Variants in MEIKIN observed in about 807,000 individuals in gnomAD.
MEIKIN encodes meiotic kinetochore factor, also known as meiosis-specific kinetochore protein.
chr5:131,856,146 A>G (rs1057042779), intron 9 of MEIKIN, among the ~76,000 whole-genome samples: 12 of 152,238 alleles, frequency 7.9e-5, no homozygotes, highest in African/African-American at 2.9e-4. Context: ...AATAAAATGA[A>G]CACATCAGCC....
intron 11 of MEIKIN, among the ~76,000 whole-genome samples, chr5:131,826,842 T>C (rs1749617680): frequency 6.6e-6 from 1 of 152,202 alleles, no homozygotes; most frequent in Non-Finnish European, 1.5e-5. Context: ...TGCAGAACAG[T>C]GAGTCAATTA....
intron 10 of MEIKIN, among the ~76,000 whole-genome samples, chr5:131,853,667 A>T (rs2149616066): frequency 6.6e-6 from 1 of 152,306 alleles, no homozygotes; most frequent in East Asian, 1.9e-4. Context: ...AACAATTAAA[A>T]ATTCAAAAAT....
intron 4 of MEIKIN, among the ~76,000 whole-genome samples, chr5:131,936,631 G>T (rs1751782397): frequency 6.6e-6 from 1 of 151,944 alleles, no homozygotes; most frequent in Non-Finnish European, 1.5e-5. Flanking sequence ...GTCTCACTCT[G>T]TCACCCAGGC....
chr5:131,875,163 G>A (rs1750589692), intron 9 of MEIKIN, among the ~76,000 whole-genome samples: 1 of 152,162 alleles, frequency 6.6e-6, no homozygotes, highest in African/African-American at 2.4e-5. Flanking sequence ...CCAGGAGAAG[G>A]AAATAAAGGG....
chr5:131,844,601 C>T (rs910475738), intron 11 of MEIKIN, among the ~76,000 whole-genome samples: 1 of 152,168 alleles, frequency 6.6e-6, no homozygotes, highest in African/African-American at 2.4e-5. Context: ...AATATGCATA[C>T]TGTTCAGTAT....
intron 8 of MEIKIN, among the ~76,000 whole-genome samples, chr5:131,898,206 C>A (rs1242281301): frequency 2.0e-5 from 3 of 152,194 alleles, no homozygotes; most frequent in Non-Finnish European, 4.4e-5. Flanking sequence ...CCACCTCAGA[C>A]CCTATTTGCC....
intron 8 of MEIKIN, among the ~76,000 whole-genome samples, chr5:131,902,589 C>A (rs1355451872): frequency 6.6e-6 from 1 of 152,088 alleles, no homozygotes; most frequent in Non-Finnish European, 1.5e-5. Flanking sequence ...GCCAATTAAG[C>A]CTCTTTTCTT....
At chr5:131,885,531 G>A (rs894910035) in intron 8 of MEIKIN, among the ~76,000 whole-genome samples, 3 of 152,276 alleles carry the variant, frequency 2.0e-5, no homozygotes, top group Non-Finnish European at 2.9e-5. Flanking sequence ...CACCAAGGTG[G>A]TACCTCCATA....
At chr5:131,860,134 G>T (rs139293849) in intron 9 of MEIKIN, among the ~76,000 whole-genome samples, 1 of 152,116 alleles carries the variant, frequency 6.6e-6, no homozygotes, top group African/African-American at 2.4e-5. Context: ...TCTATAGATT[G>T]CTTTAGGTAG....
intron 9 of MEIKIN, among the ~76,000 whole-genome samples, chr5:131,864,285 A>T (rs1750344824): frequency 6.6e-6 from 1 of 152,118 alleles, no homozygotes; most frequent in South Asian, 2.1e-4. Context: ...TTTCTGTAGT[A>T]GAATCATTTG....
intron 5 of MEIKIN, among the ~76,000 whole-genome samples, chr5:131,928,406 T>C (rs1028212391): frequency 6.6e-6 from 1 of 152,182 alleles, no homozygotes; most frequent in Admixed American, 6.5e-5. Context: ...TTTTTCTTCT[T>C]TTGTGATTCT....
intron 5 of MEIKIN, 150 bp from the exon 6 acceptor site, chr5:131,922,091 G>A (rs567592788): frequency 2.6e-6 from 1 of 391,482 alleles, no homozygotes; most frequent in African/African-American, 2.1e-5. Flanking sequence ...AATAAGCCTT[G>A]ATGGATCAAT....
At chr5:131,830,662 G>T (rs1749699823) in intron 11 of MEIKIN, among the ~76,000 whole-genome samples, 1 of 152,142 alleles carries the variant, frequency 6.6e-6, no homozygotes, top group Admixed American at 6.6e-5. Flanking sequence ...ATGACAATTG[G>T]TCCAAAATGT....
intron 9 of MEIKIN, among the ~76,000 whole-genome samples, chr5:131,856,394 G>T (rs1477611720): frequency 6.6e-6 from 1 of 152,158 alleles, no homozygotes; most frequent in South Asian, 2.1e-4. Context: ...GTAGTTAGCT[G>T]ACAGCCCCCA....
chr5:131,817,864 A>G (rs996345908), intron 12 of MEIKIN, among the ~76,000 whole-genome samples: 1 of 152,180 alleles, frequency 6.6e-6, no homozygotes, highest in Non-Finnish European at 1.5e-5. Context: ...CTAAATTTCA[A>G]TTGCTTCATT....
intron 8 of MEIKIN, among the ~76,000 whole-genome samples, chr5:131,901,026 G>A (rs910535063): frequency 6.6e-6 from 1 of 152,164 alleles, no homozygotes; most frequent in African/African-American, 2.4e-5. Context: ...TGCCATTGCT[G>A]TCGAAGCATT....
intron 9 of MEIKIN, among the ~76,000 whole-genome samples, chr5:131,862,974 C>T (rs760231703): frequency 7.9e-5 from 12 of 152,222 alleles, no homozygotes; most frequent in African/African-American, 2.4e-5. Context: ...GCTGGGATTA[C>T]AAGCATGAGC....
intron 8 of MEIKIN, among the ~76,000 whole-genome samples, chr5:131,883,884 T>C (rs1750735387): frequency 6.6e-6 from 1 of 152,160 alleles, no homozygotes; most frequent in African/African-American, 2.4e-5. Flanking sequence ...TGTGAGACAT[T>C]GCACTGAACT....
intron 11 of MEIKIN, among the ~76,000 whole-genome samples, chr5:131,827,864 G>A (rs1297230015): frequency 6.6e-6 from 1 of 152,010 alleles, no homozygotes; most frequent in Non-Finnish European, 1.5e-5. Context: ...CCATGTATTA[G>A]GCTGTATTGC....
Sources: gnomAD v4.1 joint callset for allele counts (sites outside exome capture counted in the v4.1 genomes callset) on GRCh38, gnomAD v4.1.1 for gene constraint, MANE v1.5 for transcripts, NCBI Gene and HGNC (gene_info 2026-07-23, HGNC 2026-07-21) for gene names.